ANKRD28: variants seen among roughly 807,000 people sequenced by gnomAD.
ANKRD28 encodes ankyrin repeat domain 28, also known as serine/threonine-protein phosphatase 6 regulatory ankyrin repeat subunit A.
In ANKRD28, 44 loss-of-function variants were observed where a neutral mutation model predicts 126.5. That is an observed-to-expected ratio of 0.35 (90% CI 0.27 to 0.45). The LOEUF (loss-of-function observed/expected upper bound fraction) is 0.45. Among genes scored for constraint, ANKRD28 ranks in the 20% least tolerant of loss-of-function variants. ANKRD28 has a pLI of 1.00. For synonymous variants in ANKRD28, 442 were observed against 468.5 expected (o/e 0.94, Z 0.73); for missense variants, 1,110 against 1,316.6 (o/e 0.84, Z 2.43).
intron 2 of ANKRD28, among the ~76,000 whole-genome samples, chr3:15,780,116 A>G (rs143127985): frequency 6.6e-6 from 1 of 152,334 alleles, no homozygotes; most frequent in East Asian, 1.9e-4. Context: ...ATCCTAATAA[A>G]AAAGAAAGAA....
intron 1 of ANKRD28, among the ~76,000 whole-genome samples, chr3:15,834,313 G>A (rs893651344): frequency 3.3e-5 from 5 of 152,014 alleles, no homozygotes; most frequent in African/African-American, 7.3e-5. Flanking sequence ...TTACTGAATC[G>A]AGTGTCCTTT....
chr3:15,756,722 T>C (rs995348698), intron 3 of ANKRD28, among the ~76,000 whole-genome samples: 2 of 152,080 alleles, frequency 1.3e-5, no homozygotes, highest in African/African-American at 2.4e-5. Context: ...GGGAGGTGGA[T>C]ATGAATATGT....
At chr3:15,784,518 T>C (rs1331556989) in intron 2 of ANKRD28, among the ~76,000 whole-genome samples, 1 of 150,856 alleles carries the variant, frequency 6.6e-6, no homozygotes, top group Non-Finnish European at 1.5e-5. Flanking sequence ...AAAAGAGGTA[T>C]AACTGATATC....
intron 1 of ANKRD28, among the ~76,000 whole-genome samples, chr3:15,840,312 T>C (rs2061401665): frequency 6.6e-6 from 1 of 151,838 alleles, no homozygotes. Flanking sequence ...ACAAATAAAA[T>C]ACCAGGAATT....
intron 14 of ANKRD28, chr3:15,697,226 G>T (rs1397552807): frequency 2.0e-5 from 3 of 152,634 alleles, no homozygotes; most frequent in African/African-American, 7.2e-5. Context: ...TCATAAGTGG[G>T]AGCTATGAGG....
Position 15,813,596 on chromosome 3 carries a change from T to C in ANKRD28, c.28-18290A>G, listed in dbSNP as rs1055835753. On this transcript the variant is annotated intron_variant, in intron 1 of 27. Coordinates refer to the ANKRD28 transcript ENST00000399451. Reference sequence around the variant, plus strand: ...ACTGGGCCATAATTTTCTCCTTTTATACTCTAAAAAATATTTCAATATGTT... The same window carrying C: ...ACTGGGCCATAATTTTCTCCTTTTACACTCTAAAAAATATTTCAATATGTT... Among the ~76,000 whole-genome samples the C allele has an allele frequency of 2.2e-4, 34 of 152,320 alleles. 5 individuals carry two copies. The highest frequency in any genetic ancestry group is 9.8e-4 in the Admixed American group (15 of 15,296).
intron 7 of ANKRD28, among the ~76,000 whole-genome samples, chr3:15,722,032 CCT>C (rs775771377): frequency 8.0e-4 from 122 of 152,128 alleles, no homozygotes; most frequent in Middle Eastern, 3.4e-3. Flanking sequence ...GGCGTGAGAC[CCT>C]GTGCCCAGCC....
chr3:15,703,498 T>G (rs950463045), intron 14 of ANKRD28, among the ~76,000 whole-genome samples: 5 of 152,172 alleles, frequency 3.3e-5, no homozygotes, highest in Non-Finnish European at 7.3e-5. Context: ...CCAAAAGAGC[T>G]CTCATTCCTT....
intron 27 of ANKRD28, among the ~76,000 whole-genome samples, chr3:15,673,170 T>C (rs1272444975): frequency 1.3e-5 from 2 of 152,258 alleles, no homozygotes; most frequent in African/African-American, 2.4e-5. Context: ...AGTTGCATTT[T>C]TTGGGATGCC....
At chr3:15,836,696 T>A (rs1326815666) in intron 1 of ANKRD28, among the ~76,000 whole-genome samples, 1 of 152,176 alleles carries the variant, frequency 6.6e-6, no homozygotes, top group Non-Finnish European at 1.5e-5. Flanking sequence ...AAAACAGACT[T>A]TAAGTCAAAA....
rs1160150032 is a variant in ANKRD28 at position 15,669,346 on chromosome 3, GC to G, written c.*923del. On this transcript the variant is annotated 3_prime_UTR_variant, in exon 28 of 28. Transcript: ENST00000683139. ...TTCATAGAGAGGTTGAAGACTCCAT[GC>G]CCCAGGACCACTTAGCTGCAATAGG... 6.6e-6 allele frequency: 1 copy of G among 152,178 alleles called. No individual in the cohort carries two copies. The highest frequency in any genetic ancestry group is 2.4e-5 in the African/African-American group (1 of 41,454). The allele number at this position is 152,178 out of a possible 1,614,324, so 9.4% of individuals were successfully genotyped here.
chr3:15,778,520 C>G (rs1276023567), intron 2 of ANKRD28, among the ~76,000 whole-genome samples: 1 of 152,152 alleles, frequency 6.6e-6, no homozygotes, highest in Non-Finnish European at 1.5e-5. Context: ...CCAGAGGTCA[C>G]CCTCCACTAG....
chr3:15,796,962 C>T lies in ANKRD28; in HGVS notation c.-441G>A. The T allele has an allele frequency of 1.0e-6, 1 of 985,492 alleles. No homozygotes were observed. The highest frequency in any genetic ancestry group is 1.2e-6 in the Non-Finnish European group (1 of 830,022). 61.0% of individuals were successfully genotyped at this position (985,492 alleles called of 1,614,324 possible). A position where few individuals can be genotyped will look rare whatever the true frequency, so the allele number is the denominator to read the frequency against. ...AAACAACTGCTGTGACAGAGATGAT[C>T]ACAGCGATACCCACTCTTGCCTGCA... is the stretch of plus-strand genomic sequence containing the variant. On this transcript the variant is annotated 5_prime_UTR_variant, in exon 1 of 28. Coordinates refer to ENST00000683139, the MANE Select transcript of ANKRD28 (RefSeq NM_001349278.2).
chr3:15,715,417 T>A (rs949177546), intron 8 of ANKRD28, among the ~76,000 whole-genome samples: 1 of 152,236 alleles, frequency 6.6e-6, no homozygotes, highest in African/African-American at 2.4e-5. Flanking sequence ...ACAACGCAGA[T>A]ATTCTTTAAA....
chr3:15,803,342 T>C (rs1334898351), intron 1 of ANKRD28, among the ~76,000 whole-genome samples: 2 of 152,058 alleles, frequency 1.3e-5, no homozygotes, highest in African/African-American at 4.8e-5. Flanking sequence ...TTAGAGGCCG[T>C]GCACGGTGGC....
At chr3:15,850,255 A>AGAGAGAGAGAGAGG (rs2061622761) in intron 1 of ANKRD28, among the ~76,000 whole-genome samples, 3 of 142,016 alleles carry the variant, frequency 2.1e-5, no homozygotes, top group Non-Finnish European at 4.6e-5. Context: ...AGAGAGAGAG[A>AGAGAGAGAGAGAGG]GAGAGAGAAA....
At chr3:15,780,059 T>A (rs962702350) in intron 2 of ANKRD28, among the ~76,000 whole-genome samples, 1 of 152,142 alleles carries the variant, frequency 6.6e-6, no homozygotes, top group Non-Finnish European at 1.5e-5. Flanking sequence ...ACCATAGTGC[T>A]GCAAGTCCTA....
At chr3:15,819,172 G>T (rs921901227) in intron 1 of ANKRD28, among the ~76,000 whole-genome samples, 1 of 152,150 alleles carries the variant, frequency 6.6e-6, no homozygotes, top group African/African-American at 2.4e-5. Flanking sequence ...CAGCTACTTG[G>T]GAGGCTGAGG....
At chr3:15,677,434 C>T in intron 25 of ANKRD28, 46 bp downstream of exon 25, 1 of 1,424,420 alleles carries the variant, frequency 7.0e-7, no homozygotes, top group Non-Finnish European at 9.9e-7. Context: ...TTTAAGGTCA[C>T]TGTTAATATT....
Sources: gnomAD v4.1 joint callset for allele counts (sites outside exome capture counted in the v4.1 genomes callset) on GRCh38, gnomAD v4.1.1 for gene constraint, MANE v1.5 for transcripts, NCBI Gene and HGNC (gene_info 2026-07-23, HGNC 2026-07-21) for gene names.